Variants in ZNF624 observed in about 807,000 individuals in gnomAD.
ZNF624 encodes zinc finger protein 624.
ZNF624 carries 43 observed loss-of-function variants against 74.7 expected under a neutral mutation model. The ratio of observed to expected loss-of-function variants is 0.58; its 90% CI spans 0.45 to 0.74. ZNF624 has a LOEUF of 0.74. Ranked by LOEUF, ZNF624 falls within the 30% of genes least tolerant of loss-of-function variation. The pLI, the probability that ZNF624 is intolerant of heterozygous loss-of-function variation, is 0.00. For missense variants in ZNF624, 820 were observed against 1,030.0 expected, an observed-to-expected ratio of 0.80 and a Z score of 2.79; for synonymous variants, 331 against 341.3, an observed-to-expected ratio of 0.97 and a Z score of 0.33.
chr17:16,631,492 G>A (rs956780445), intron 5 of ZNF624: 1 of 152,182 alleles, frequency 6.6e-6, no homozygotes, highest in Non-Finnish European at 1.5e-5. Context: ...TTGGGAGGAC[G>A]AGGTGGGAGG....
the ZNF624 span, among the ~76,000 whole-genome samples, chr17:16,615,387 G>A: frequency 1.3e-5 from 2 of 152,244 alleles, no homozygotes; most frequent in South Asian, 2.1e-4. Context: ...ATGAGCCACC[G>A]TGCCCAGCCT....
chr17:16,636,563 G>A lies in ZNF624; in HGVS notation c.154-1807C>T, dbSNP rs148815815. Among the ~76,000 whole-genome samples, 1,464 of 152,278 alleles carry A rather than the reference G, an allele frequency of 9.6e-3. 26 individuals carry two copies. The highest frequency in any genetic ancestry group is 0.034 in the African/African-American group (1,400 of 41,546). On this transcript the variant is annotated intron_variant, in intron 3 of 5. Transcript: ENST00000311331. ...AAAATCAAAAATCTCAGGGCCGGGCGCCGTGGCTCATGCCTGTAATCCCAG... is the reference window on the plus strand; with the variant it reads ...AAAATCAAAAATCTCAGGGCCGGGCACCGTGGCTCATGCCTGTAATCCCAG...
chr17:16,619,544 AAAG>A (rs1310859896), downstream of ZNF624, among the ~76,000 whole-genome samples: 5 of 152,256 alleles, frequency 3.3e-5, no homozygotes, highest in Non-Finnish European at 7.3e-5. Flanking sequence ...GGTACTTCCC[AAAG>A]AAGATATTTA....
chr17:16,650,870 C>G (rs940330547), intron 1 of ZNF624, among the ~76,000 whole-genome samples: 2 of 152,154 alleles, frequency 1.3e-5, no homozygotes, highest in Non-Finnish European at 2.9e-5. Flanking sequence ...CTTCTCATAA[C>G]GTTCAGTAGC....
At position 16,629,167 on chromosome 17, in the gene ZNF624, C is replaced by T. The variant is rs180712166; in HGVS notation, c.377-4658G>A. On this transcript the variant is annotated intron_variant, in intron 5 of 5. Transcript: ENST00000311331. The stretch of plus-strand genomic sequence containing the variant: ...GAGCCGAGATCACGTCACTGCACTC[C>T]AGCCTGGGCGACAGAGCGAGACTCC... 2.9e-3 allele frequency among the ~76,000 whole-genome samples: 416 copies of T among 141,382 alleles called. 5 individuals are homozygous for T. The highest frequency in any genetic ancestry group is 0.01 in the African/African-American group (391 of 38,504). 92.8% of individuals were successfully genotyped at this position (141,382 alleles called of 152,430 possible).
downstream of ZNF624, chr17:16,617,710 C>G (rs1908821432): frequency 1.2e-6 from 2 of 1,604,234 alleles, no homozygotes; most frequent in East Asian, 2.2e-5. Flanking sequence ...CAGAGCTCCT[C>G]GCTGTTCAGC....
downstream of ZNF624, among the ~76,000 whole-genome samples, chr17:16,616,693 C>G (rs1247079141): frequency 2.6e-5 from 4 of 152,176 alleles, no homozygotes; most frequent in Non-Finnish European, 1.5e-5. Flanking sequence ...TAAACCTCAT[C>G]TTTTTCATCC....
chr17:16,623,797 A>G lies in ZNF624; in HGVS notation c.1089T>C (p.Asn363=), dbSNP rs752691666. The G allele has an allele frequency of 1.9e-6, 3 of 1,614,064 alleles. No individual in the cohort carries two copies. Among genetic ancestry groups the G allele is most frequent in the East Asian group, 4.5e-5 (2 of 44,872 alleles). ...IHTKEKPYQC[N]VCGKSFSQCA... ...ACTGGCTAAAAGATTTCCCACACACATTACACTGATAAGGTTTCTCTTTAG... is the reference window on the plus strand; with the variant it reads ...ACTGGCTAAAAGATTTCCCACACACGTTACACTGATAAGGTTTCTCTTTAG... The change falls in exon 6 of 6, where the codon AAT becomes AAC. Residue 363 remains asparagine, a synonymous_variant. Transcript: ENST00000311331. The surrounding 1 kb of genome is among the most constrained non-coding windows in gnomAD (Gnocchi z 5.3).
intron 3 of ZNF624, among the ~76,000 whole-genome samples, chr17:16,636,714 T>C (rs1455387868): frequency 6.6e-6 from 1 of 151,954 alleles, no homozygotes; most frequent in Non-Finnish European, 1.5e-5. Flanking sequence ...CGGGTGCCTG[T>C]AGTCCCAGCT....
intron 1 of ZNF624, among the ~76,000 whole-genome samples, chr17:16,650,234 C>G (rs1225382789): frequency 6.6e-6 from 1 of 152,070 alleles, no homozygotes; most frequent in Non-Finnish European, 1.5e-5. Flanking sequence ...CTTTTCTTGC[C>G]TTTCCCACGA....
At chr17:16,617,539 T>G (rs1908814494), downstream of ZNF624, 5 of 1,577,758 alleles carry the variant, frequency 3.2e-6, 1 homozygote, top group South Asian at 5.5e-5. Context: ...AGAAAGATTT[T>G]CTACAATAAG....
At chr17:16,650,163 C>A (rs1182406817) in intron 1 of ZNF624, among the ~76,000 whole-genome samples, 1 of 152,114 alleles carries the variant, frequency 6.6e-6, no homozygotes, top group Admixed American at 6.6e-5. Context: ...AAAAAAAATA[C>A]TTCAGTCTTT....
intron 3 of ZNF624, among the ~76,000 whole-genome samples, chr17:16,639,343 G>T (rs936695492): frequency 1.3e-5 from 2 of 152,122 alleles, no homozygotes; most frequent in African/African-American, 4.8e-5. Context: ...TTAGGTTTTT[G>T]AAGCTTGTTT....
intron 5 of ZNF624, among the ~76,000 whole-genome samples, chr17:16,628,446 G>A (rs1323594656): frequency 6.6e-6 from 1 of 152,086 alleles, no homozygotes; most frequent in Non-Finnish European, 1.5e-5. Flanking sequence ...ATCTCACAAA[G>A]ATTTGTAAAG....
At chr17:16,620,212 C>T (rs1908873838), downstream of ZNF624, among the ~76,000 whole-genome samples, 2 of 152,106 alleles carry the variant, frequency 1.3e-5, no homozygotes, top group South Asian at 4.1e-4. Context: ...CTGTTAGGGC[C>T]TTCTGGTATC....
At chr17:16,651,175 C>G (rs1005754686) in intron 1 of ZNF624, among the ~76,000 whole-genome samples, 1 of 151,876 alleles carries the variant, frequency 6.6e-6, no homozygotes, top group Admixed American at 6.6e-5. Flanking sequence ...ACCTGTAATC[C>G]CAGCACTTTG....
chr17:16,636,705 G>A (rs1433779639), intron 3 of ZNF624, among the ~76,000 whole-genome samples: 2 of 151,942 alleles, frequency 1.3e-5, no homozygotes, highest in Admixed American at 6.6e-5. Flanking sequence ...GTGTGGTGGC[G>A]GGTGCCTGTA....
At chr17:16,617,669 C>CCGGG (rs34955584), downstream of ZNF624, 30,644 of 1,606,006 alleles carry the variant, frequency 0.019, 1,792 homozygotes, top group African/African-American at 0.13. Flanking sequence ...GACGCGGGCC[C>CCGGG]CGGGCGTGCT....
chr17:16,619,831 T>C (rs1212171436), downstream of ZNF624, among the ~76,000 whole-genome samples: 4 of 152,154 alleles, frequency 2.6e-5, no homozygotes, highest in Non-Finnish European at 5.9e-5. Flanking sequence ...GGTTTAGATG[T>C]AGTGAGGATT....
Sources: allele counts gnomAD v4.1 joint callset (sites outside exome capture counted in the v4.1 genomes callset), GRCh38; gene constraint gnomAD v4.1.1; non-coding constraint Gnocchi (gnomAD v3.1); transcripts MANE v1.5; gene names NCBI Gene and HGNC (gene_info 2026-07-23, HGNC 2026-07-21).